The following ABCA9 variants were observed in gnomAD, a reference collection of about 807,000 sequenced individuals.
ABCA9 encodes the protein ATP binding cassette subfamily A member 9, also known as ATP-binding cassette sub-family A member 9.
In ABCA9, 183 loss-of-function variants were observed where a neutral mutation model predicts 205.3. The ratio of observed to expected loss-of-function variants is 0.89; its 90% CI spans 0.79 to 1.01. The LOEUF (loss-of-function observed/expected upper bound fraction) is 1.01, where lower values mean the gene tolerates loss of function less well. Among genes scored for constraint, ABCA9 ranks in the 50% least tolerant of loss-of-function variants. The pLI, the probability that ABCA9 is intolerant of heterozygous loss-of-function variation, is 0.00. For missense variants in ABCA9, 1,805 were observed against 1,912.4 expected (o/e 0.94, Z 1.05); for synonymous variants, 651 against 683.3 (o/e 0.95, Z 0.74).
chr17:69,063,915 T>C (rs1426503673), upstream of ABCA9, among the ~76,000 whole-genome samples: 1 of 152,182 alleles, frequency 6.6e-6, no homozygotes, highest in Non-Finnish European at 1.5e-5. Context: ...TTGGTCTTGT[T>C]TTGTGCTTTT....
chr17:69,041,574 C>T (rs916154128), intron 6 of ABCA9, among the ~76,000 whole-genome samples: 1 of 152,002 alleles, frequency 6.6e-6, no homozygotes, highest in African/African-American at 2.4e-5. Flanking sequence ...CATGGTGGCA[C>T]TCGCCTGTAG....
intron 28 of ABCA9, 27 bp downstream of exon 28, chr17:68,992,148 C>T (rs779103339): frequency 4.1e-6 from 6 of 1,448,710 alleles, no homozygotes; most frequent in Non-Finnish European, 4.7e-6. Flanking sequence ...CAAAATGAAA[C>T]ATGAAATTCG....
intron 37 of ABCA9, among the ~76,000 whole-genome samples, chr17:68,982,210 CT>C (rs1248071895): frequency 1.3e-5 from 2 of 152,172 alleles, no homozygotes; most frequent in Non-Finnish European, 2.9e-5. Flanking sequence ...CTCCCAGAGC[CT>C]TGTTCAATTA....
At chr17:69,043,134 CTT>C (rs1485634909) in intron 6 of ABCA9, 1 of 177,860 alleles carries the variant, frequency 5.6e-6, no homozygotes, top group African/African-American at 2.5e-5. Flanking sequence ...ACCTAGATCT[CTT>C]GAGTGACAGA....
intron 37 of ABCA9, 95 bp downstream of exon 37, chr17:68,982,467 T>G: frequency 3.2e-6 from 3 of 947,588 alleles, no homozygotes; most frequent in Non-Finnish European, 5.0e-6. Flanking sequence ...TATAACAGCA[T>G]AATTCTATGT....
chr17:69,019,896 A>G (rs554147474), intron 19 of ABCA9: 1 of 152,998 alleles, frequency 6.5e-6, no homozygotes, highest in African/African-American at 2.4e-5. Flanking sequence ...CAGTCTTCCA[A>G]CTACAGCATT....
chr17:69,040,841 TAGATAC>T (rs2071511291), intron 6 of ABCA9, among the ~76,000 whole-genome samples: 1 of 151,520 alleles, frequency 6.6e-6, no homozygotes, highest in African/African-American at 2.4e-5. Flanking sequence ...AGGACACAGA[TAGATAC>T]AGACATATAG....
At chr17:69,032,368 G>T in intron 9 of ABCA9, 92 bp from the exon 10 acceptor site, 1 of 1,177,908 alleles carries the variant, frequency 8.5e-7, no homozygotes, top group Non-Finnish European at 1.2e-6. Context: ...CATTAAACCT[G>T]AACCCACATT....
At chr17:69,005,567 T>C (rs1385437703) in intron 25 of ABCA9, among the ~76,000 whole-genome samples, 1 of 152,240 alleles carries the variant, frequency 6.6e-6, no homozygotes, top group East Asian at 1.9e-4. Flanking sequence ...AATTGCTTGT[T>C]GAGGATGGAA....
At chr17:69,065,292 T>A (rs2072335450), upstream of ABCA9, among the ~76,000 whole-genome samples, 1 of 152,236 alleles carries the variant, frequency 6.6e-6, no homozygotes, top group African/African-American at 2.4e-5. Flanking sequence ...TCTTGGAAGT[T>A]TATTAGATAT....
Position 69,020,638 on chromosome 17 carries a change from T to G in ABCA9, c.2402-52A>C, listed in dbSNP as rs758382020. ...AAGTGCCATTTTAGTTATGCATTAT[T>G]TAGCTTTTCCTATGATAAATTTTCC... On this transcript the variant is annotated intron_variant, in intron 18 of 38. Transcript: ENST00000340001. The G allele has an allele frequency of 9.7e-6, 15 of 1,546,794 alleles. No homozygotes were observed. In the African/African-American group the frequency reaches 1.8e-4, roughly 18 times the overall value.
At chr17:69,041,968 G>T (rs1026229447) in intron 6 of ABCA9, among the ~76,000 whole-genome samples, 25 of 151,974 alleles carry the variant, frequency 1.6e-4, no homozygotes, top group Admixed American at 1.5e-3. Context: ...TGTAGCATAC[G>T]CCCAGAACCC....
chr17:69,006,894 C>G (rs570073387), intron 25 of ABCA9, among the ~76,000 whole-genome samples: 1 of 152,140 alleles, frequency 6.6e-6, no homozygotes, highest in South Asian at 2.1e-4. Flanking sequence ...AACAGAGAGA[C>G]CAGTTACAGA....
intron 16 of ABCA9, among the ~76,000 whole-genome samples, chr17:69,025,102 A>C (rs1324913990): frequency 6.6e-6 from 1 of 152,336 alleles, no homozygotes; most frequent in South Asian, 2.1e-4. Flanking sequence ...GGAAGAATGC[A>C]GTACCTTCTC....
At chr17:69,071,864 T>C in the ABCA9 span, among the ~76,000 whole-genome samples, 1 of 152,120 alleles carries the variant, frequency 6.6e-6, no homozygotes, top group Non-Finnish European at 1.5e-5. Context: ...TTTAGAGGAA[T>C]TGCTAACTAG....
chr17:69,013,650 T>A (rs1390599893), intron 22 of ABCA9, among the ~76,000 whole-genome samples: 3 of 152,110 alleles, frequency 2.0e-5, no homozygotes, highest in Admixed American at 1.3e-4. Context: ...AGTCAGAGTT[T>A]GATGTGACTC....
chr17:69,059,705 C>T (rs981954523), intron 1 of ABCA9, among the ~76,000 whole-genome samples: 2 of 147,354 alleles, frequency 1.4e-5, no homozygotes, highest in Non-Finnish European at 3.0e-5. Flanking sequence ...AGAAAGTTAA[C>T]ATGGGGGCAG....
At chr17:68,981,106 G>A (rs2069037526) in intron 37 of ABCA9, among the ~76,000 whole-genome samples, 2 of 151,996 alleles carry the variant, frequency 1.3e-5, no homozygotes, top group African/African-American at 2.4e-5. Context: ...ATGGCCAGGG[G>A]TGGGTGGAGG....
Position 68,983,776 on chromosome 17 carries a change from G to C in ABCA9, c.4573C>G (p.Leu1525Val). 1.2e-6 allele frequency: 2 copies of C among 1,614,184 alleles called. No homozygotes were observed. The highest frequency in any genetic ancestry group is 1.7e-6 in the Non-Finnish European group (2 of 1,180,036). Residue 1525 changes from leucine (L) to valine (V), a missense_variant, in exon 36 of 39, where the codon CTG becomes GTG. Coordinates refer to ENST00000340001, the MANE Select transcript of ABCA9 (RefSeq NM_080283.4). ...GCATGGAGGGGCTCCATTTGTGCCA[G>C]GTTCTTCAGCTTCATCTCCAGCAGG... ...DYLLEMKLKN[L>V]AQMEPLHAEI... is the part of the protein sequence containing the mutation.
Sources: allele counts gnomAD v4.1 joint callset (sites outside exome capture counted in the v4.1 genomes callset), GRCh38; gene constraint gnomAD v4.1.1; transcripts MANE v1.5; gene names NCBI Gene and HGNC (gene_info 2026-07-23, HGNC 2026-07-21).